The following STON2 variants were observed in gnomAD, a reference collection of about 807,000 sequenced individuals.
The protein encoded by STON2 is stonin 2, also known as stonin-2.
Under a neutral mutation model 65.7 loss-of-function variants are expected in STON2, and 29 were observed. That is an observed-to-expected ratio of 0.44 (90% CI 0.33 to 0.60). The LOEUF is 0.60. STON2 is among the 20% of genes least tolerant of loss of function. STON2 has a pLI of 0.03. For missense variants in STON2, 1,054 were observed against 1,118.1 expected (o/e 0.94, Z 0.82); for synonymous variants, 404 against 414.2 (o/e 0.98, Z 0.30).
intron 5 of STON2, among the ~76,000 whole-genome samples, chr14:81,283,974 G>A (rs1895235149): frequency 6.6e-6 from 1 of 152,156 alleles, no homozygotes; most frequent in African/African-American, 2.4e-5. Flanking sequence ...AATTATATCT[G>A]TTACAGTGAT....
chr14:81,346,922 G>C (rs1301805614), intron 4 of STON2, among the ~76,000 whole-genome samples: 1 of 152,038 alleles, frequency 6.6e-6, no homozygotes, highest in African/African-American at 2.4e-5. Context: ...TAAAAGCAGG[G>C]CTAAGAGGGA....
chr14:81,273,648 C>T (rs191651615), intron 6 of STON2, among the ~76,000 whole-genome samples: 1,631 of 151,958 alleles, frequency 0.011, 24 homozygotes, highest in African/African-American at 0.037. Flanking sequence ...TGGGCCCCGC[C>T]GGCGGGAGTC....
intron 3 of STON2, among the ~76,000 whole-genome samples, chr14:81,379,924 C>T (rs955974434): frequency 6.6e-6 from 1 of 152,176 alleles, no homozygotes; most frequent in Non-Finnish European, 1.5e-5. Flanking sequence ...CCATTCTGGA[C>T]ATTGGCCCTA....
intron 4 of STON2, among the ~76,000 whole-genome samples, chr14:81,334,995 G>A (rs531567665): frequency 2.1e-5 from 3 of 144,546 alleles, no homozygotes; most frequent in Non-Finnish European, 4.5e-5. Context: ...ACACCACCAC[G>A]CCTGGCTAAT....
chr14:81,353,160 C>T (rs1164525352), intron 4 of STON2, among the ~76,000 whole-genome samples: 2 of 151,916 alleles, frequency 1.3e-5, no homozygotes, highest in East Asian at 1.9e-4. Flanking sequence ...CAAATAAGAA[C>T]AGGAAAAAAA....
chr14:81,302,259 C>A (rs978526097), intron 5 of STON2, among the ~76,000 whole-genome samples: 5 of 152,192 alleles, frequency 3.3e-5, no homozygotes, highest in African/African-American at 1.2e-4. Flanking sequence ...CTACAAATTT[C>A]TGGAACAGAG....
In STON2 at chr14:81,419,094, T is replaced by G. The variant is rs183548593; in HGVS notation, c.-199+8008A>C. Among the ~76,000 whole-genome samples, 9 of 152,260 alleles carry G rather than the reference T, an allele frequency of 5.9e-5. No individual in the cohort carries two copies. The East Asian group carries it at 1.5e-3, about 26-fold the overall frequency. Reference sequence around the variant, plus strand: ...CTTAAATTTGTTTACTATACTAGGATTAACACTCTTTATCATTCTCATATT... The same window carrying G: ...CTTAAATTTGTTTACTATACTAGGAGTAACACTCTTTATCATTCTCATATT... On this transcript the variant is annotated intron_variant, in intron 2 of 8. Transcript: ENST00000553821.
chr14:81,400,276 T>C lies in STON2; in HGVS notation c.-199+3A>G, dbSNP rs1419115424. Among the ~76,000 whole-genome samples the C allele has an allele frequency of 6.6e-6, 1 of 152,068 alleles. No individual in the cohort carries two copies. The highest frequency in any genetic ancestry group is 1.5e-5 in the Non-Finnish European group (1 of 68,006). On this transcript the variant is annotated splice_donor_region_variant and intron_variant, in intron 1 of 7. Coordinates refer to ENST00000614646, the MANE Select transcript of STON2 (RefSeq NM_001394390.1). The stretch of plus-strand genomic sequence containing the variant: ...AGAGCAGGTCTCCCAAACCAGATCT[T>C]ACCAGAGAGCAGTGCAGGGTCCACA...
intron 5 of STON2, among the ~76,000 whole-genome samples, chr14:81,283,745 G>T (rs991837657): frequency 5.9e-5 from 9 of 152,066 alleles, no homozygotes; most frequent in Non-Finnish European, 1.0e-4. Context: ...TAGCCAGGAT[G>T]GTCTCGATCT....
At chr14:81,373,836 G>A (rs1271531927) in intron 3 of STON2, among the ~76,000 whole-genome samples, 1 of 151,786 alleles carries the variant, frequency 6.6e-6, no homozygotes, top group African/African-American at 2.4e-5. Context: ...AAGAGTAGAG[G>A]AAAAAATATC....
chr14:81,368,959 C>T (rs1898864382), intron 4 of STON2, among the ~76,000 whole-genome samples: 1 of 152,184 alleles, frequency 6.6e-6, no homozygotes, highest in African/African-American at 2.4e-5. Context: ...TCTATCTGCT[C>T]TGGCGACTGA....
chr14:81,324,779 T>C (rs1175464338), intron 4 of STON2, among the ~76,000 whole-genome samples: 3 of 152,252 alleles, frequency 2.0e-5, no homozygotes, highest in Admixed American at 6.5e-5. Context: ...ACTTATTTGA[T>C]AGCCTGACCT....
At position 81,324,067 on chromosome 14, in the gene STON2, T is replaced by C. The variant is rs1260251677; in HGVS notation, c.692A>G (p.Lys231Arg). Among the ~76,000 whole-genome samples the C allele has an allele frequency of 6.6e-6, 1 of 152,208 alleles. No homozygotes were observed. The highest frequency in any genetic ancestry group is 2.4e-5 in the African/African-American group (1 of 41,464). The change falls in exon 5 of 8, where the codon AAG (lysine) becomes AGG (arginine). Residue 231 changes from lysine (K) to arginine (R), a missense_variant. Lys to Arg is a conservative substitution (Grantham distance 26, BLOSUM62 2). Coordinates refer to ENST00000614646, the MANE Select transcript of STON2 (RefSeq NM_001394390.1). ...ACCCTCGCCGGGGTTCTGGCTCCTC[T>C]TGGGCTGGGGTGAGGGTGGCGAGGG... ...LDPSPPSPQP[K>R]RSQNPGEGPE...
chr14:81,307,862 G>C (rs987121413), intron 5 of STON2, among the ~76,000 whole-genome samples: 9 of 152,134 alleles, frequency 5.9e-5, no homozygotes, highest in African/African-American at 1.9e-4. Flanking sequence ...ATCATTTTAT[G>C]TTATTGGTAA....
At chr14:81,385,301 GAAC>G (rs1451412298) in intron 3 of STON2, among the ~76,000 whole-genome samples, 2 of 152,138 alleles carry the variant, frequency 1.3e-5, no homozygotes, top group East Asian at 1.9e-4. Context: ...TTATTTTTAA[GAAC>G]ACTTCACCAT....
intron 4 of STON2, among the ~76,000 whole-genome samples, chr14:81,370,205 T>A (rs1226668191): frequency 6.6e-6 from 1 of 152,124 alleles, no homozygotes; most frequent in African/African-American, 2.4e-5. Flanking sequence ...GAAAAACAAA[T>A]CTTGTCAACA....
intron 5 of STON2, among the ~76,000 whole-genome samples, chr14:81,287,044 A>T (rs1003440436): frequency 6.6e-6 from 1 of 152,224 alleles, no homozygotes; most frequent in Non-Finnish European, 1.5e-5. Flanking sequence ...TTAATTAATT[A>T]AGGATTAACA....
At chr14:81,405,522 G>GTTT (rs60663114) in intron 2 of STON2, among the ~76,000 whole-genome samples, 11 of 107,398 alleles carry the variant, frequency 1.0e-4, no homozygotes, top group Admixed American at 2.0e-4. Context: ...CTTTCCTAAG[G>GTTT]TTTTTTTTTT....
At chr14:81,404,124 T>C (rs985944676), upstream of STON2, among the ~76,000 whole-genome samples, 3 of 152,198 alleles carry the variant, frequency 2.0e-5, no homozygotes, top group African/African-American at 7.2e-5. Context: ...ATAAATGTTT[T>C]AGGAAGGTTA....
Sources: allele counts gnomAD v4.1 joint callset (sites outside exome capture counted in the v4.1 genomes callset), GRCh38; gene constraint gnomAD v4.1.1; transcripts MANE v1.5; gene names NCBI Gene and HGNC (gene_info 2026-07-23, HGNC 2026-07-21).